Variants in SGIP1 observed in about 807,000 individuals in gnomAD.
The protein encoded by SGIP1 is SH3GL interacting endocytic adaptor 1, also known as SH3-containing GRB2-like protein 3-interacting protein 1.
Under a neutral mutation model 107.5 loss-of-function variants are expected in SGIP1, and 38 were observed. The observed-to-expected ratio is 0.35, with a 90% CI of 0.27 to 0.46. The LOEUF is 0.46. Among genes scored for constraint, SGIP1 ranks in the 20% least tolerant of loss-of-function variants. SGIP1 has a pLI of 1.00. For missense variants in SGIP1, 929 were observed against 1,019.5 expected (o/e 0.91, Z 1.21); for synonymous variants, 365 against 366.1 (o/e 1.00, Z 0.03).
intron 8 of SGIP1, chr1:66,666,414 CAG>C: frequency 5.8e-6 from 1 of 172,866 alleles, no homozygotes; most frequent in Non-Finnish European, 1.3e-5. Context: ...GTGATGCCTC[CAG>C]CTTTGTTCTT....
intron 2 of SGIP1, among the ~76,000 whole-genome samples, chr1:66,630,804 A>T (rs1051483334): frequency 3.5e-4 from 2 of 5,728 alleles, no homozygotes; most frequent in African/African-American, 2.0e-3. Context: ...AAAACTCCGG[A>T]AAGAAAGAAA....
At chr1:66,613,791 A>T (rs551285229) in intron 1 of SGIP1, among the ~76,000 whole-genome samples, 2 of 152,234 alleles carry the variant, frequency 1.3e-5, no homozygotes, top group Non-Finnish European at 2.9e-5. Flanking sequence ...TAATGGAAAG[A>T]GTGCTTCAGG....
intron 1 of SGIP1, among the ~76,000 whole-genome samples, chr1:66,601,135 G>T (rs1299231058): frequency 6.6e-6 from 1 of 152,224 alleles, no homozygotes; most frequent in East Asian, 1.9e-4. Flanking sequence ...AGGCCGAGGC[G>T]GGCGGATCAA....
intron 8 of SGIP1, among the ~76,000 whole-genome samples, chr1:66,663,774 A>G (rs72669472): frequency 0.13 from 20,339 of 152,164 alleles, 1,419 homozygotes; most frequent in African/African-American, 0.16. Context: ...TAGAAAAAAA[A>G]TTAAACCTTG....
chr1:66,602,388 A>G (rs2066004390), intron 1 of SGIP1, among the ~76,000 whole-genome samples: 1 of 152,138 alleles, frequency 6.6e-6, no homozygotes, highest in Non-Finnish European at 1.5e-5. Flanking sequence ...GGAAATATGA[A>G]CATTTTAAAA....
intron 2 of SGIP1, 119 bp from the exon 3 acceptor site, chr1:66,632,951 T>G: frequency 1.3e-6 from 1 of 746,144 alleles, no homozygotes; most frequent in Non-Finnish European, 2.4e-6. Flanking sequence ...CCAGGTTTAC[T>G]GGGGTGGGAA....
At chr1:66,659,992 AAGAAAGACAGAC>A (rs1385234466) in intron 7 of SGIP1, 7 of 59,644 alleles carry the variant, frequency 1.2e-4, no homozygotes, top group African/African-American at 3.6e-4. Flanking sequence ...GAAAGAAAGA[AAGAAAGACAGAC>A]AGACAGACAG....
At chr1:66,541,622 A>G (rs1410508761) in intron 1 of SGIP1, among the ~76,000 whole-genome samples, 1 of 152,136 alleles carries the variant, frequency 6.6e-6, no homozygotes, top group Non-Finnish European at 1.5e-5. Flanking sequence ...AAAAACTTTC[A>G]TTTTTATTTT....
chr1:66,695,609 A>T, intron 18 of SGIP1, 116 bp downstream of exon 18: 5 of 928,190 alleles, frequency 5.4e-6, no homozygotes, highest in Non-Finnish European at 8.0e-6. Context: ...TTTCTATATG[A>T]AAATGCTATG....
chr1:66,686,604 A>T (rs1415452489), intron 15 of SGIP1, among the ~76,000 whole-genome samples: 1 of 152,238 alleles, frequency 6.6e-6, no homozygotes, highest in Non-Finnish European at 1.5e-5. Context: ...GCCTTTGTTC[A>T]GTTGTGAAAT....
chr1:66,664,161 TA>T, intron 8 of SGIP1, among the ~76,000 whole-genome samples: 1 of 152,258 alleles, frequency 6.6e-6, no homozygotes, highest in East Asian at 1.9e-4. Context: ...AATTTTCATA[TA>T]AAAAAGTATT....
intron 1 of SGIP1, among the ~76,000 whole-genome samples, chr1:66,553,070 G>C (rs1312684413): frequency 6.6e-6 from 1 of 152,102 alleles, no homozygotes; most frequent in African/African-American, 2.4e-5. Flanking sequence ...ACTCCCAGCT[G>C]CCCTTATTCA....
At chr1:66,730,524 T>A (rs2093958710) in intron 20 of SGIP1, among the ~76,000 whole-genome samples, 1 of 152,178 alleles carries the variant, frequency 6.6e-6, no homozygotes, top group African/African-American at 2.4e-5. Context: ...AAGTGACCAC[T>A]GTCTTTTCCC....
In SGIP1 at chr1:66,681,899, T is replaced by C. The variant is rs759723604; in HGVS notation, c.845T>C (p.Ile282Thr). The C allele has an allele frequency of 2.5e-6, 4 of 1,613,550 alleles. No homozygotes were observed. The highest frequency in any genetic ancestry group is 2.2e-5 in the South Asian group (2 of 90,956). ...GACCAGTCAGCCACAGAGGTCAAAA[T>C]TGAAAAACTACCATCCATCAATGAC... ...GNDQSATEVK[I>T]EKLPSINDLD... The change falls in exon 15 of 25, where the codon ATT becomes ACT. Residue 282 changes from isoleucine to threonine, a missense_variant. Coordinates refer to ENST00000371037, the MANE Select transcript of SGIP1 (RefSeq NM_032291.4).
chr1:66,650,366 C>T (rs947730400), intron 7 of SGIP1, among the ~76,000 whole-genome samples: 1 of 152,170 alleles, frequency 6.6e-6, no homozygotes, highest in African/African-American at 2.4e-5. Flanking sequence ...CTAACTCCCC[C>T]TTCAAATCAT....
At position 66,747,100 on chromosome 1, in the gene SGIP1, C is replaced by A. The variant is rs986234814; in HGVS notation, c.*4005C>A. The A allele has an allele frequency of 6.6e-6, 1 of 152,018 alleles. No individual in the cohort carries two copies. The highest frequency in any genetic ancestry group is 1.5e-5 in the Non-Finnish European group (1 of 67,918). 9.4% of individuals were successfully genotyped at this position (152,018 alleles called of 1,614,324 possible). A position where few individuals can be genotyped will look rare whatever the true frequency, so the allele number is the denominator to read the frequency against. On this transcript the variant is annotated 3_prime_UTR_variant, in exon 25 of 25. Coordinates refer to ENST00000371037, the MANE Select transcript of SGIP1 (RefSeq NM_032291.4). ...ATTCTACTTTACTCAGATATACCAC[C>A]TTTTGTGGCATTATAAGGAAACATG...
chr1:66,549,034 C>T (rs1417493345), intron 1 of SGIP1, among the ~76,000 whole-genome samples: 1 of 152,164 alleles, frequency 6.6e-6, no homozygotes, highest in Non-Finnish European at 1.5e-5. Flanking sequence ...GCTAAATGCA[C>T]AGGCTTGAAA....
intron 1 of SGIP1, among the ~76,000 whole-genome samples, chr1:66,565,335 A>G (rs1446632646): frequency 6.6e-6 from 1 of 151,804 alleles, no homozygotes; most frequent in East Asian, 1.9e-4. Flanking sequence ...CCTGATTTTC[A>G]TTTATTTTAT....
In SGIP1 at chr1:66,748,946, A is replaced by G. The variant is rs540670584; in HGVS notation, c.*5851A>G. ...GAAACCTTTGGAAAAGTTTTCTTTTAACACTAGTTTATATATCCTTCAATA... is the reference window on the plus strand; with the variant it reads ...GAAACCTTTGGAAAAGTTTTCTTTTGACACTAGTTTATATATCCTTCAATA... On this transcript the variant is annotated 3_prime_UTR_variant, in exon 25 of 25. Coordinates refer to ENST00000371037, the MANE Select transcript of SGIP1 (RefSeq NM_032291.4). Among the ~76,000 whole-genome samples, 2 of 152,146 alleles carry G rather than the reference A, an allele frequency of 1.3e-5. No individual in the cohort carries two copies. The highest frequency in any genetic ancestry group is 1.3e-4 in the Admixed American group (2 of 15,288).
Sources: gnomAD v4.1 joint callset for allele counts (sites outside exome capture counted in the v4.1 genomes callset) on GRCh38, gnomAD v4.1.1 for gene constraint, MANE v1.5 for transcripts, NCBI Gene and HGNC (gene_info 2026-07-23, HGNC 2026-07-21) for gene names.